MACROD2: variants seen among roughly 807,000 people sequenced by gnomAD.
The protein encoded by MACROD2 is ADP-ribose glycohydrolase MACROD2.
A neutral mutation model predicts 70.4 loss-of-function variants in MACROD2; 36 were observed. The ratio of observed to expected loss-of-function variants is 0.51; its 90% CI spans 0.39 to 0.68. MACROD2 has a LOEUF of 0.68. MACROD2 is among the 30% of genes least tolerant of loss of function. The pLI is 0.00. For synonymous variants in MACROD2, 172 were observed against 178.8 expected (o/e 0.96, Z 0.30); for missense variants, 496 against 538.4 (o/e 0.92, Z 0.78).
At chr20:14,585,468 T>C (rs1409636906) in intron 4 of MACROD2, among the ~76,000 whole-genome samples, 1 of 152,158 alleles carries the variant, frequency 6.6e-6, no homozygotes, top group African/African-American at 2.4e-5. Flanking sequence ...TCAGGTGCTT[T>C]AGTGCAATGA....
chr20:14,019,060 C>T (rs1176331969), intron 2 of MACROD2, among the ~76,000 whole-genome samples: 67 of 152,240 alleles, frequency 4.4e-4, no homozygotes, highest in African/African-American at 1.6e-3. Context: ...CAAAACAGGG[C>T]ACTCCTTGCT....
chr20:15,973,134 T>C (rs1278899874), intron 13 of MACROD2, among the ~76,000 whole-genome samples: 1 of 152,110 alleles, frequency 6.6e-6, no homozygotes, highest in African/African-American at 2.4e-5. Flanking sequence ...GGCTGGATGG[T>C]TATCATAAAA....
intron 8 of MACROD2, among the ~76,000 whole-genome samples, chr20:15,609,800 A>G (rs1009922962): frequency 2.6e-5 from 4 of 152,146 alleles, no homozygotes; most frequent in African/African-American, 7.2e-5. Flanking sequence ...TTGTAGTGTA[A>G]ATTATATAAT....
chr20:15,839,266 G>A (rs4555415), intron 8 of MACROD2, among the ~76,000 whole-genome samples: 123,717 of 152,066 alleles, frequency 0.81, 50,752 homozygotes, highest in African/African-American at 0.92. Context: ...GCCCAAGTTC[G>A]TCTCTTTCAT....
Position 15,655,950 on chromosome 20 carries a change from C to T in MACROD2, c.645+156103C>T, listed in dbSNP as rs1383620703. On this transcript the variant is annotated intron_variant, in intron 8 of 17. Transcript: ENST00000684519. Reference sequence around the variant, plus strand: ...TCTTTGTTACGAATTAAGTCTTTACCATCATTTAGTGAAATGTTATCCTCG... The same window carrying T: ...TCTTTGTTACGAATTAAGTCTTTACTATCATTTAGTGAAATGTTATCCTCG... Among the ~76,000 whole-genome samples the T allele has an allele frequency of 3.9e-5, 6 of 152,112 alleles. No homozygotes were observed. The South Asian group carries it at 1.2e-3, about 32-fold the overall frequency.
intron 6 of MACROD2, among the ~76,000 whole-genome samples, chr20:15,271,412 G>A (rs987409339): frequency 4.6e-5 from 7 of 152,122 alleles, no homozygotes; most frequent in African/African-American, 1.7e-4. Flanking sequence ...TTCAACCTAT[G>A]AATTTTGTGG....
chr20:15,454,964 C>G lies in MACROD2; in HGVS notation c.571+23529C>G, dbSNP rs140459278. On this transcript the variant is annotated intron_variant, in intron 7 of 17. Transcript: ENST00000684519. ...TTAGATGTTTGGTGTATATTAACCC[C>G]TTTACTGTCGAAGGCCATCTGTGTG... Among the ~76,000 whole-genome samples the G allele has an allele frequency of 1.1e-3, 163 of 152,226 alleles. No homozygotes were observed. In the Middle Eastern group the frequency reaches 0.041, roughly 38 times the overall value.
chr20:14,246,114 A>G (rs920773830), intron 3 of MACROD2, among the ~76,000 whole-genome samples: 10 of 152,302 alleles, frequency 6.6e-5, no homozygotes, highest in Middle Eastern at 3.4e-3. Context: ...TTAATCTTTT[A>G]CATATGATTT....
chr20:15,399,024 G>C (rs889361960), intron 6 of MACROD2, among the ~76,000 whole-genome samples: 1 of 152,076 alleles, frequency 6.6e-6, no homozygotes, highest in African/African-American at 2.4e-5. Context: ...TATTTATCTA[G>C]AGTCCCTACC....
chr20:15,208,154 G>T (rs572369931), intron 5 of MACROD2, among the ~76,000 whole-genome samples: 2 of 151,738 alleles, frequency 1.3e-5, no homozygotes, highest in Admixed American at 1.3e-4. Context: ...AATTTCTATT[G>T]TCCTGTCTTC....
chr20:15,939,555 T>C (rs2065719727), intron 12 of MACROD2, among the ~76,000 whole-genome samples: 1 of 151,908 alleles, frequency 6.6e-6, no homozygotes, highest in African/African-American at 2.4e-5. Context: ...ATATTGACAA[T>C]GCACCTGGTC....
intron 5 of MACROD2, among the ~76,000 whole-genome samples, chr20:15,213,881 G>A (rs1207142559): frequency 6.6e-6 from 1 of 151,918 alleles, no homozygotes; most frequent in Non-Finnish European, 1.5e-5. Context: ...AGAATTCCAA[G>A]GGCAATTTTC....
At chr20:14,183,718 A>G (rs535548726) in intron 3 of MACROD2, among the ~76,000 whole-genome samples, 37 of 152,274 alleles carry the variant, frequency 2.4e-4, no homozygotes, top group African/African-American at 8.9e-4. Context: ...TGACTTTTTA[A>G]TAATAGTCAT....
chr20:14,896,819 C>G (rs1018677692), intron 5 of MACROD2, among the ~76,000 whole-genome samples: 9 of 151,908 alleles, frequency 5.9e-5, no homozygotes, highest in Non-Finnish European at 1.3e-4. Context: ...CTACCATACT[C>G]TAGTCCAGTA....
chr20:15,133,905 CTTTTTTT>C (rs11467185), intron 5 of MACROD2, among the ~76,000 whole-genome samples: 10 of 111,286 alleles, frequency 9.0e-5, no homozygotes, highest in Non-Finnish European at 1.1e-4. Flanking sequence ...TTTAAATAAT[CTTTTTTT>C]TTTTTTTTTT....
intron 15 of MACROD2, among the ~76,000 whole-genome samples, chr20:16,006,808 G>A (rs2066795153): frequency 6.6e-6 from 1 of 152,134 alleles, no homozygotes; most frequent in Non-Finnish European, 1.5e-5. Context: ...TGGGTAAAAG[G>A]AGAATTACTT....
At chr20:14,781,734 C>G (rs1195707721) in intron 5 of MACROD2, among the ~76,000 whole-genome samples, 1 of 151,480 alleles carries the variant, frequency 6.6e-6, no homozygotes, top group African/African-American at 2.4e-5. Flanking sequence ...CAAATGAGAA[C>G]CCATATCAAG....
chr20:15,894,227 A>G (rs1378766582), intron 10 of MACROD2, among the ~76,000 whole-genome samples: 1 of 152,196 alleles, frequency 6.6e-6, no homozygotes, highest in East Asian at 1.9e-4. Context: ...CTAAGTAATG[A>G]CGCTGCTTTT....
At chr20:15,532,582 A>AT (rs1343199314) in intron 8 of MACROD2, among the ~76,000 whole-genome samples, 2 of 149,956 alleles carry the variant, frequency 1.3e-5, no homozygotes, top group Non-Finnish European at 2.9e-5. Flanking sequence ...ATTGATTATA[A>AT]TTTTTTCTCT....
Sources: gnomAD v4.1 joint callset for allele counts (sites outside exome capture counted in the v4.1 genomes callset) on GRCh38, gnomAD v4.1.1 for gene constraint, MANE v1.5 for transcripts, NCBI Gene and HGNC (gene_info 2026-07-23, HGNC 2026-07-21) for gene names.